NEGR1: variants seen among roughly 807,000 people sequenced by gnomAD.
NEGR1 encodes neuronal growth regulator 1.
NEGR1 carries 10 observed loss-of-function variants against 40.9 expected under a neutral mutation model. That is an observed-to-expected ratio of 0.24 (90% CI 0.15 to 0.42). The LOEUF is 0.42. NEGR1 is among the 10% of genes least tolerant of loss of function. The pLI, the probability that NEGR1 is intolerant of heterozygous loss-of-function variation, is 1.00. For missense variants in NEGR1, 352 were observed against 438.9 expected, an observed-to-expected ratio of 0.80 and a Z score of 1.77; for synonymous variants, 185 against 166.8, an observed-to-expected ratio of 1.11 and a Z score of -0.84.
chr1:71,602,914 A>C (rs1649970181), intron 5 of NEGR1, among the ~76,000 whole-genome samples: 1 of 152,206 alleles, frequency 6.6e-6, no homozygotes, highest in Non-Finnish European at 1.5e-5. Flanking sequence ...CAGTTATTTC[A>C]TATATTTATT....
intron 1 of NEGR1, among the ~76,000 whole-genome samples, chr1:71,990,365 T>A (rs1392172168): frequency 1.3e-5 from 2 of 152,160 alleles, no homozygotes; most frequent in Non-Finnish European, 2.9e-5. Context: ...TTGTACTATA[T>A]ACATTATTTT....
At chr1:71,954,828 G>A (rs1194959320) in intron 1 of NEGR1, among the ~76,000 whole-genome samples, 1 of 152,052 alleles carries the variant, frequency 6.6e-6, no homozygotes, top group Admixed American at 6.6e-5. Flanking sequence ...CAGTCTTGTG[G>A]CTGTCAGCCA....
chr1:71,908,464 A>T (rs1661338079), intron 2 of NEGR1, among the ~76,000 whole-genome samples: 2 of 152,274 alleles, frequency 1.3e-5, no homozygotes, highest in South Asian at 2.1e-4. Flanking sequence ...ACCCAACATG[A>T]GCTAAACACT....
chr1:71,602,444 G>A (rs1430277082), intron 5 of NEGR1, among the ~76,000 whole-genome samples: 1 of 147,012 alleles, frequency 6.8e-6, no homozygotes, highest in Admixed American at 6.8e-5. Flanking sequence ...GTAGAGACGG[G>A]GTTTCACCGT....
At chr1:71,680,079 T>A (rs1652785797) in intron 4 of NEGR1, among the ~76,000 whole-genome samples, 1 of 152,016 alleles carries the variant, frequency 6.6e-6, no homozygotes, top group Non-Finnish European at 1.5e-5. Flanking sequence ...TATAATATTA[T>A]TTCCTTCTAA....
chr1:71,735,793 A>T (rs888779457), intron 3 of NEGR1, among the ~76,000 whole-genome samples: 2 of 152,110 alleles, frequency 1.3e-5, no homozygotes, highest in African/African-American at 4.8e-5. Flanking sequence ...TTTTGATGAC[A>T]GGTACTAGAG....
At chr1:72,004,195 T>C (rs1056117170) in intron 1 of NEGR1, among the ~76,000 whole-genome samples, 14 of 152,040 alleles carry the variant, frequency 9.2e-5, no homozygotes, top group Middle Eastern at 3.4e-3. Context: ...TATATATATA[T>C]ACACACACAC....
intron 1 of NEGR1, among the ~76,000 whole-genome samples, chr1:72,264,848 A>G (rs919120909): frequency 3.3e-5 from 5 of 150,796 alleles, no homozygotes; most frequent in Non-Finnish European, 6.0e-5. Context: ...TTTGAACATA[A>G]AGAGAAATCT....
chr1:71,825,796 T>C (rs912104033), intron 2 of NEGR1, among the ~76,000 whole-genome samples: 1 of 151,934 alleles, frequency 6.6e-6, no homozygotes, highest in Non-Finnish European at 1.5e-5. Flanking sequence ...GAAGAAAATA[T>C]GTATGTAGAT....
intron 1 of NEGR1, among the ~76,000 whole-genome samples, chr1:72,236,487 G>A (rs572199074): frequency 2.0e-5 from 3 of 151,952 alleles, no homozygotes; most frequent in African/African-American, 7.2e-5. Context: ...ACTTTGAATC[G>A]AAACAATTTT....
intron 6 of NEGR1, among the ~76,000 whole-genome samples, chr1:71,539,490 T>C (rs1647620100): frequency 6.6e-6 from 1 of 151,730 alleles, no homozygotes. Context: ...CTGCATTTAT[T>C]TTGTAGAGGA....
At chr1:71,762,274 A>T (rs1405721101) in intron 3 of NEGR1, among the ~76,000 whole-genome samples, 1 of 128,352 alleles carries the variant, frequency 7.8e-6, no homozygotes, top group Admixed American at 8.7e-5. Flanking sequence ...GAGAGGCAAC[A>T]AACAGAAAAA....
intron 6 of NEGR1, among the ~76,000 whole-genome samples, chr1:71,540,703 T>C (rs1452750295): frequency 6.6e-6 from 1 of 151,710 alleles, no homozygotes; most frequent in African/African-American, 2.4e-5. Context: ...ATGAGGTATG[T>C]CGTTAATGCT....
chr1:72,228,700 A>T (rs917329758), intron 1 of NEGR1, among the ~76,000 whole-genome samples: 20 of 152,174 alleles, frequency 1.3e-4, no homozygotes, highest in African/African-American at 4.3e-4. Context: ...ACATCTATAG[A>T]CCAAAAGATG....
intron 1 of NEGR1, among the ~76,000 whole-genome samples, chr1:72,175,319 C>G (rs1225948533): frequency 1.3e-5 from 2 of 152,086 alleles, no homozygotes; most frequent in African/African-American, 2.4e-5. Flanking sequence ...TTTCCAGAAG[C>G]TATCATCCAA....
At chr1:71,743,913 T>A (rs1457112221) in intron 3 of NEGR1, among the ~76,000 whole-genome samples, 3 of 152,200 alleles carry the variant, frequency 2.0e-5, no homozygotes, top group Admixed American at 6.5e-5. Flanking sequence ...ATACAGGGAA[T>A]TGCTTATAAA....
intron 3 of NEGR1, among the ~76,000 whole-genome samples, chr1:71,720,377 C>T (rs373810837): frequency 2.6e-5 from 4 of 152,224 alleles, no homozygotes; most frequent in Admixed American, 6.5e-5. Flanking sequence ...AGTGTACCAA[C>T]GAGCCATACA....
intron 6 of NEGR1, among the ~76,000 whole-genome samples, chr1:71,428,730 C>G (rs1170832412): frequency 6.6e-6 from 1 of 150,632 alleles, no homozygotes; most frequent in Non-Finnish European, 1.5e-5. Context: ...ATTATTTTCT[C>G]CATTGTATAA....
intron 4 of NEGR1, among the ~76,000 whole-genome samples, chr1:71,687,888 C>G (rs573831380): frequency 7.9e-5 from 12 of 152,072 alleles, no homozygotes. Flanking sequence ...TCATTCTTAG[C>G]CCTTCCATGA....
Sources: allele counts gnomAD v4.1 joint callset (sites outside exome capture counted in the v4.1 genomes callset), GRCh38; gene constraint gnomAD v4.1.1; transcripts MANE v1.5; gene names NCBI Gene and HGNC (gene_info 2026-07-23, HGNC 2026-07-21).